PPP2R2A: variants seen among roughly 807,000 people sequenced by gnomAD.
PPP2R2A encodes the protein protein phosphatase 2 regulatory subunit Balpha, also known as serine/threonine-protein phosphatase 2A 55 kDa regulatory subunit B alpha isoform.
PPP2R2A carries 9 observed loss-of-function variants against 53.2 expected under a neutral mutation model. That is an observed-to-expected ratio of 0.17 (90% CI 0.10 to 0.30). The LOEUF is 0.30. Among genes scored for constraint, PPP2R2A ranks in the 10% least tolerant of loss-of-function variants. The probability of loss-of-function intolerance (pLI) is 1.00; values close to 1 mark genes in which losing one functional copy is unlikely to be tolerated. For missense variants in PPP2R2A, 235 were observed against 534.6 expected (o/e 0.44, Z 5.53); for synonymous variants, 169 against 174.2 (o/e 0.97, Z 0.23).
chr8:26,364,333 C>T (rs1205457180), intron 8 of PPP2R2A, among the ~76,000 whole-genome samples: 3 of 152,194 alleles, frequency 2.0e-5, no homozygotes, highest in African/African-American at 7.2e-5. Context: ...TGCCTTTTGG[C>T]AGATAACTGT....
chr8:26,370,521 G>GT lies in PPP2R2A; in HGVS notation c.*111dup, dbSNP rs1458529388. The GT allele has an allele frequency of 9.5e-6, 12 of 1,261,130 alleles. No individual in the cohort carries two copies. The highest frequency in any genetic ancestry group is 6.2e-5 in the Admixed American group (3 of 48,210). The allele number at this position is 1,261,130 out of a possible 1,614,324, so 78.1% of individuals were successfully genotyped here. ...GTCCATTGTGGCGCCCCTTTCCAGT[G>GT]TTTGACAGTGTGCCATTCGACAACA... On this transcript the variant is annotated 3_prime_UTR_variant, in exon 10 of 10. Transcript: ENST00000380737. This position sits in a 1 kb window ranked among gnomAD's most constrained non-coding sequence, Gnocchi z 6.1.
At chr8:26,307,833 T>G (rs1802091244) in intron 2 of PPP2R2A, among the ~76,000 whole-genome samples, 1 of 152,230 alleles carries the variant, frequency 6.6e-6, no homozygotes, top group Admixed American at 6.5e-5. Flanking sequence ...TTAGATAAAG[T>G]AACTTGCTCA....
rs572866422 is a variant in PPP2R2A at position 26,293,613 on chromosome 8, G to C, written c.8-53G>C. The C allele has an allele frequency of 9.1e-5, 139 of 1,524,146 alleles. No homozygotes were observed. In the South Asian group the frequency reaches 1.5e-3, roughly 16 times the overall value. 94.4% of individuals were successfully genotyped at this position (1,524,146 alleles called of 1,614,324 possible). ...CCATGGATACCATCTTTGTGTTTAC[G>C]AGAGTCAACATAAGCAGAACTCGGT... On this transcript the variant is annotated intron_variant, in intron 1 of 9. Coordinates refer to ENST00000380737, the MANE Select transcript of PPP2R2A (RefSeq NM_002717.4).
chr8:26,295,337 A>G (rs924506938), intron 2 of PPP2R2A, among the ~76,000 whole-genome samples: 2 of 152,226 alleles, frequency 1.3e-5, no homozygotes, highest in African/African-American at 4.8e-5. Context: ...CAAAGTGAAC[A>G]TCATTTACCT....
chr8:26,335,273 T>G (rs1343916960), intron 2 of PPP2R2A, among the ~76,000 whole-genome samples: 2 of 152,190 alleles, frequency 1.3e-5, no homozygotes, highest in African/African-American at 4.8e-5. Flanking sequence ...CTGTGAGACA[T>G]TGGCATTTCA....
At chr8:26,330,958 T>TGTGA (rs1803338751) in intron 2 of PPP2R2A, among the ~76,000 whole-genome samples, 1 of 152,206 alleles carries the variant, frequency 6.6e-6, no homozygotes, top group African/African-American at 2.4e-5. Flanking sequence ...ATTACTAAGG[T>TGTGA]GTGACACTCT....
At chr8:26,314,081 G>A (rs1393487996) in intron 2 of PPP2R2A, among the ~76,000 whole-genome samples, 3 of 151,932 alleles carry the variant, frequency 2.0e-5, no homozygotes, top group African/African-American at 7.3e-5. Context: ...TTTTCTTTCT[G>A]CACCTTCAAA....
chr8:26,353,470 T>C (rs964197284), intron 3 of PPP2R2A, among the ~76,000 whole-genome samples: 1 of 152,236 alleles, frequency 6.6e-6, no homozygotes, highest in African/African-American at 2.4e-5. Context: ...CAAGAAGTTC[T>C]AAACATTTCA....
At chr8:26,343,269 A>G (rs568995865) in intron 3 of PPP2R2A, among the ~76,000 whole-genome samples, 2 of 152,314 alleles carry the variant, frequency 1.3e-5, no homozygotes, top group South Asian at 4.1e-4. Context: ...GTGCATTCAT[A>G]GAATGTAAGA....
chr8:26,348,589 GAA>G (rs1253368658), intron 3 of PPP2R2A, among the ~76,000 whole-genome samples: 1 of 152,036 alleles, frequency 6.6e-6, no homozygotes, highest in Non-Finnish European at 1.5e-5. Flanking sequence ...CCAAAATATG[GAA>G]AAAAATGTGA....
At chr8:26,355,689 C>T (rs748181645) in intron 4 of PPP2R2A, among the ~76,000 whole-genome samples, 2 of 151,966 alleles carry the variant, frequency 1.3e-5, no homozygotes, top group African/African-American at 4.8e-5. Flanking sequence ...ATGGTGAAAC[C>T]GTGTCTCTAC....
In PPP2R2A at chr8:26,361,093, A is replaced by G. The variant is rs770128751; in HGVS notation, c.579A>G (p.Leu193=). ...TTAATAGTGATTATGAAACATATTT[A>G]TCTGCAGATGATTTGCGGATTAATC... The part of the protein sequence containing the change: ...ISINSDYETY[L]SADDLRINLW... Residue 193 remains leucine, a synonymous_variant, in exon 6 of 10, where the codon TTA becomes TTG. Transcript: ENST00000380737. The G allele has an allele frequency of 1.7e-5, 27 of 1,602,442 alleles. No individual in the cohort carries two copies. In the South Asian group the frequency reaches 3.0e-4, roughly 18 times the overall value.
Position 26,362,716 on chromosome 8 carries a change from G to A in PPP2R2A, c.670G>A (p.Glu224Lys). 6.2e-7 allele frequency: 1 copy of A among 1,614,078 alleles called. No homozygotes were observed. Among genetic ancestry groups the A allele is most frequent in the Non-Finnish European group, 8.5e-7 (1 of 1,179,992 alleles). Residue 224 changes from glutamate (E) to lysine (K), a missense_variant, in exon 7 of 10, where the codon GAG becomes AAG. Glu to Lys is a moderately conservative substitution (Grantham distance 56). Transcript: ENST00000380737. This position sits in a 1 kb window ranked among gnomAD's most constrained non-coding sequence, Gnocchi z 4.4. ...IVDIKPANME[E>K]LTEVITAAEF... ...GGATATCAAGCCTGCCAATATGGAAGAGCTAACAGAGGTGATTACAGCAGC... is the reference window on the plus strand; with the variant it reads ...GGATATCAAGCCTGCCAATATGGAAAAGCTAACAGAGGTGATTACAGCAGC...
intron 2 of PPP2R2A, among the ~76,000 whole-genome samples, chr8:26,327,707 T>C (rs1401641605): frequency 1.3e-5 from 2 of 152,198 alleles, no homozygotes; most frequent in Non-Finnish European, 2.9e-5. Flanking sequence ...ATAGATGTAT[T>C]ATCCAGTAAA....
At chr8:26,324,011 C>T (rs1349425721) in intron 2 of PPP2R2A, among the ~76,000 whole-genome samples, 2 of 152,224 alleles carry the variant, frequency 1.3e-5, no homozygotes, top group African/African-American at 2.4e-5. Context: ...AGTCCACTGC[C>T]CTTTTACCGT....
intron 2 of PPP2R2A, among the ~76,000 whole-genome samples, chr8:26,299,772 C>T (rs1801700036): frequency 1.3e-5 from 2 of 148,658 alleles, no homozygotes; most frequent in African/African-American, 2.5e-5. Context: ...AGGCCGTCTT[C>T]TGTGTTTCTT....
At chr8:26,367,581 C>T (rs1329266624) in intron 9 of PPP2R2A, among the ~76,000 whole-genome samples, 1 of 152,172 alleles carries the variant, frequency 6.6e-6, no homozygotes, top group African/African-American at 2.4e-5. Flanking sequence ...GTGTTCTATT[C>T]TCTGTTTATT....
rs1563330968 is a variant in PPP2R2A at position 26,370,105 on chromosome 8, T to C, written c.1065-29T>C. The C allele has an allele frequency of 6.3e-7, 1 of 1,587,690 alleles. No homozygotes were observed. Among genetic ancestry groups the C allele is most frequent in the Admixed American group, 1.7e-5 (1 of 57,558 alleles). On this transcript the variant is annotated intron_variant, in intron 9 of 9. Coordinates refer to ENST00000380737, the MANE Select transcript of PPP2R2A (RefSeq NM_002717.4). The surrounding 1 kb of genome is among the most constrained non-coding windows in gnomAD (Gnocchi z 6.1). ...GAAAACAATTTCTTGTTCTGCTTGT[T>C]TGACTGAGTGTACTGTCTATTTTCA...
intron 2 of PPP2R2A, among the ~76,000 whole-genome samples, chr8:26,310,487 A>T (rs1802237051): frequency 6.6e-6 from 1 of 151,624 alleles, no homozygotes; most frequent in Non-Finnish European, 1.5e-5. Flanking sequence ...CATATATGAG[A>T]AGATAAATGG....
Sources: allele counts gnomAD v4.1 joint callset (sites outside exome capture counted in the v4.1 genomes callset), GRCh38; gene constraint gnomAD v4.1.1; non-coding constraint Gnocchi (gnomAD v3.1); transcripts MANE v1.5; gene names NCBI Gene and HGNC (gene_info 2026-07-23, HGNC 2026-07-21).